Variants in NEGR1 observed in about 807,000 individuals in gnomAD.
NEGR1 encodes the protein IgLON family member 4.
A neutral mutation model predicts 40.9 loss-of-function variants in NEGR1; 10 were observed. The observed-to-expected ratio is 0.24, with a 90% CI of 0.15 to 0.42. The LOEUF is 0.42. Ranked by LOEUF, NEGR1 falls within the 10% of genes least tolerant of loss-of-function variation. The pLI is 1.00. For synonymous variants in NEGR1, 185 were observed against 166.8 expected (o/e 1.11, Z -0.84); for missense variants, 352 against 438.9 (o/e 0.80, Z 1.77).
chr1:71,853,604 C>G (rs924931723), intron 2 of NEGR1, among the ~76,000 whole-genome samples: 1 of 152,024 alleles, frequency 6.6e-6, no homozygotes, highest in Non-Finnish European at 1.5e-5. Context: ...ATTAGATACT[C>G]TCACTAGAGA....
At chr1:72,267,768 A>T (rs1420682793) in intron 1 of NEGR1, among the ~76,000 whole-genome samples, 1 of 151,344 alleles carries the variant, frequency 6.6e-6, no homozygotes, top group Non-Finnish European at 1.5e-5. Flanking sequence ...ATTTCAACCA[A>T]GAAAAAAGGA....
intron 2 of NEGR1, among the ~76,000 whole-genome samples, chr1:71,928,495 C>T (rs2101891662): frequency 7.4e-6 from 1 of 135,572 alleles, no homozygotes; most frequent in East Asian, 2.1e-4. Context: ...TGTATATATA[C>T]ACATATGTAT....
intron 2 of NEGR1, among the ~76,000 whole-genome samples, chr1:71,840,096 G>A (rs1399136031): frequency 6.6e-6 from 1 of 152,040 alleles, no homozygotes; most frequent in Admixed American, 6.6e-5. Flanking sequence ...CTCTTTTTCT[G>A]TCAATATAAT....
intron 2 of NEGR1, among the ~76,000 whole-genome samples, chr1:71,868,446 G>A (rs1302603195): frequency 7.2e-6 from 1 of 139,288 alleles, no homozygotes; most frequent in Non-Finnish European, 1.5e-5. Flanking sequence ...AAGATAGATA[G>A]ATAGATAGAT....
At chr1:71,640,395 G>A (rs1651310035) in intron 4 of NEGR1, among the ~76,000 whole-genome samples, 2 of 152,010 alleles carry the variant, frequency 1.3e-5, no homozygotes, top group Admixed American at 1.3e-4. Context: ...GTGTCAAACG[G>A]AATTATTCCC....
intron 1 of NEGR1, among the ~76,000 whole-genome samples, chr1:72,093,647 GCTT>G (rs1164217632): frequency 6.6e-6 from 1 of 152,034 alleles, no homozygotes; most frequent in Non-Finnish European, 1.5e-5. Flanking sequence ...TTGGTGATGT[GCTT>G]CTTTTTTTTA....
rs187060635 is a variant in NEGR1 at position 72,245,211 on chromosome 1, C to T, written c.176+37108G>A. Among the ~76,000 whole-genome samples the T allele has an allele frequency of 2.6e-3, 391 of 152,180 alleles. 6 individuals carry two copies. In the South Asian group the frequency reaches 0.038, roughly 15 times the overall value. ...ATATGAAACCTACAAAGAATGAGGA[C>T]TGGCTACATGTTGTGAGCATTTCCA... On this transcript the variant is annotated intron_variant, in intron 1 of 6. Coordinates refer to ENST00000357731, the MANE Select transcript of NEGR1 (RefSeq NM_173808.3).
intron 1 of NEGR1, among the ~76,000 whole-genome samples, 180 bp downstream of exon 1, chr1:72,282,139 C>T (rs1000344964): frequency 6.6e-6 from 1 of 152,134 alleles, no homozygotes; most frequent in Non-Finnish European, 1.5e-5. Flanking sequence ...TTGCTACCTG[C>T]CCCAGCATAA....
chr1:71,528,071 G>T (rs956844008), intron 6 of NEGR1, among the ~76,000 whole-genome samples: 3 of 151,174 alleles, frequency 2.0e-5, no homozygotes, highest in African/African-American at 7.3e-5. Context: ...CAGCATTTTT[G>T]CTGAAATCAT....
chr1:72,230,977 G>T (rs1654345305), intron 1 of NEGR1, among the ~76,000 whole-genome samples: 1 of 152,086 alleles, frequency 6.6e-6, no homozygotes, highest in Admixed American at 6.6e-5. Context: ...ACTTTTATGT[G>T]ATTTCTAAAG....
At chr1:71,548,231 C>T (rs1432160362) in intron 6 of NEGR1, among the ~76,000 whole-genome samples, 1 of 151,652 alleles carries the variant, frequency 6.6e-6, no homozygotes, top group Non-Finnish European at 1.5e-5. Flanking sequence ...TGCATCAAAA[C>T]ATAACTAATA....
intron 2 of NEGR1, among the ~76,000 whole-genome samples, chr1:71,834,456 A>ACCCCCC: frequency 1.0e-5 from 1 of 100,212 alleles, no homozygotes; most frequent in Non-Finnish European, 2.1e-5. Context: ...ACCCACCCCC[A>ACCCCCC]CCCCCTGCCA....
chr1:72,117,530 G>C (rs968785441), intron 1 of NEGR1, among the ~76,000 whole-genome samples: 3 of 151,664 alleles, frequency 2.0e-5, no homozygotes, highest in African/African-American at 7.3e-5. Flanking sequence ...ATCTAACTAT[G>C]TTCTCTGGGG....
chr1:72,173,109 C>T (rs1219470817), intron 1 of NEGR1, among the ~76,000 whole-genome samples: 2 of 151,632 alleles, frequency 1.3e-5, no homozygotes. Flanking sequence ...TGCACTCAAG[C>T]AATCCTCTCA....
intron 2 of NEGR1, among the ~76,000 whole-genome samples, chr1:71,786,924 G>C (rs1656932632): frequency 6.6e-6 from 1 of 152,224 alleles, no homozygotes; most frequent in African/African-American, 2.4e-5. Flanking sequence ...CACTCTTGGA[G>C]TTCTAGCCCA....
At chr1:71,606,172 A>C (rs1349355704) in intron 5 of NEGR1, among the ~76,000 whole-genome samples, 1 of 152,232 alleles carries the variant, frequency 6.6e-6, no homozygotes, top group Non-Finnish European at 1.5e-5. Flanking sequence ...GACTTCTGAA[A>C]CTAGGTTATA....
intron 2 of NEGR1, among the ~76,000 whole-genome samples, chr1:71,919,693 C>A (rs1035624506): frequency 1.3e-5 from 2 of 152,024 alleles, no homozygotes; most frequent in African/African-American, 4.8e-5. Context: ...TAAAATTGTT[C>A]CTCAATAAAC....
chr1:71,489,941 C>T (rs1646915306), intron 6 of NEGR1: 1 of 151,836 alleles, frequency 6.6e-6, no homozygotes, highest in Non-Finnish European at 1.5e-5. Context: ...CCCCGCTCAC[C>T]CCAAATAAAG....
chr1:71,677,771 G>A (rs1002246125), intron 4 of NEGR1, among the ~76,000 whole-genome samples: 3 of 152,160 alleles, frequency 2.0e-5, no homozygotes, highest in African/African-American at 7.2e-5. Flanking sequence ...AAGTTAGTGA[G>A]GCTGGAGGAA....
Sources: allele counts gnomAD v4.1 joint callset (sites outside exome capture counted in the v4.1 genomes callset), GRCh38; gene constraint gnomAD v4.1.1; transcripts MANE v1.5; gene names NCBI Gene and HGNC (gene_info 2026-07-23, HGNC 2026-07-21).